KIRREL3: variants seen among roughly 807,000 people sequenced by gnomAD.
KIRREL3 encodes the protein kirre like nephrin family adhesion molecule 3, also known as kin of IRRE-like protein 3.
KIRREL3 carries 36 observed loss-of-function variants against 89.7 expected under a neutral mutation model. That is an observed-to-expected ratio of 0.40 (90% confidence interval 0.31 to 0.53). The LOEUF is 0.53. KIRREL3 is among the 20% of genes least tolerant of loss of function. The pLI, the probability that KIRREL3 is intolerant of heterozygous loss-of-function variation, is 0.49. For synonymous variants in KIRREL3, 445 were observed against 441.4 expected (o/e 1.01, Z -0.10); for missense variants, 864 against 1,056.6 (o/e 0.82, Z 2.53).
At chr11:126,559,118 G>A (rs1939922803) in intron 2 of KIRREL3, among the ~76,000 whole-genome samples, 1 of 152,136 alleles carries the variant, frequency 6.6e-6, no homozygotes, top group East Asian at 1.9e-4. Flanking sequence ...TCCACGACTT[G>A]CCTGGACCCT....
At chr11:126,478,851 G>C (rs1957150999) in intron 4 of KIRREL3, among the ~76,000 whole-genome samples, 1 of 152,126 alleles carries the variant, frequency 6.6e-6, no homozygotes, top group Admixed American at 6.5e-5. Flanking sequence ...TGGGAGGGAG[G>C]AGGGCAAAGC....
chr11:126,487,640 G>T (rs1004000268), intron 4 of KIRREL3, among the ~76,000 whole-genome samples: 4 of 152,132 alleles, frequency 2.6e-5, no homozygotes, highest in African/African-American at 4.8e-5. Context: ...TTTGAAAAAG[G>T]GCAATATTTT....
rs750790603 is a variant in KIRREL3 at position 126,449,123 on chromosome 11, A to C, written c.883T>G (p.Ser295Ala). The C allele has an allele frequency of 2.5e-6, 4 of 1,613,852 alleles. No individual in the cohort carries two copies. The Admixed American group carries it at 6.7e-5, about 27-fold the overall frequency. The change falls in exon 8 of 17, where the codon TCT becomes GCT. Residue 295 changes from serine to alanine, a missense_variant. Ser to Ala is a moderately conservative substitution (Grantham distance 99). Coordinates refer to ENST00000525144, the MANE Select transcript of KIRREL3 (RefSeq NM_032531.4). ...ACTGTGGTCCTGTACACCTCTCCAGATGCCTCCTTGATGATCTGGCCCCGC... is the reference window on the plus strand; with the variant it reads ...ACTGTGGTCCTGTACACCTCTCCAGCTGCCTCCTTGATGATCTGGCCCCGC... Reference protein sequence around the residue: ...AKRGQIIKEASGEVYRTTVDY... With the variant: ...AKRGQIIKEAAGEVYRTTVDY...
At chr11:126,470,427 A>G (rs1412033710) in intron 5 of KIRREL3, among the ~76,000 whole-genome samples, 2 of 152,102 alleles carry the variant, frequency 1.3e-5, no homozygotes, top group East Asian at 1.9e-4. Flanking sequence ...CTTGTGTCTG[A>G]GGGAAGGAGT....
chr11:126,846,342 C>T lies in KIRREL3; in HGVS notation c.55+154113G>A, dbSNP rs542208773. Among the ~76,000 whole-genome samples, 6 of 152,168 alleles carry T rather than the reference C, an allele frequency of 3.9e-5. No homozygotes were observed. The South Asian group carries it at 6.2e-4, about 16-fold the overall frequency. The stretch of plus-strand genomic sequence containing the variant: ...CTGGATCTTCTTCCATCTGTCTGTG[C>T]ATTTATATGTTATGTGTGTGATGTT... On this transcript the variant is annotated intron_variant, in intron 1 of 16. Transcript: ENST00000525144.
chr11:126,928,188 G>C (rs1205720493), intron 1 of KIRREL3, among the ~76,000 whole-genome samples: 1 of 152,234 alleles, frequency 6.6e-6, no homozygotes, highest in Non-Finnish European at 1.5e-5. Flanking sequence ...CACTGGCCTT[G>C]AGGATGTGCA....
At chr11:126,833,212 G>GA (rs959901327) in intron 1 of KIRREL3, among the ~76,000 whole-genome samples, 1 of 152,198 alleles carries the variant, frequency 6.6e-6, no homozygotes, top group African/African-American at 2.4e-5. Flanking sequence ...CTCTAATGGG[G>GA]ACCCAGTTTT....
chr11:126,863,447 G>A (rs1243674076), intron 1 of KIRREL3, among the ~76,000 whole-genome samples: 12 of 100,090 alleles, frequency 1.2e-4, no homozygotes, highest in African/African-American at 3.8e-4. Context: ...GTGTGTGAGT[G>A]TGTGTGTTTG....
rs1245853580 is a variant in KIRREL3 at position 126,908,160 on chromosome 11, GT to G, written c.55+92294del. Among the ~76,000 whole-genome samples, 2 of 152,116 alleles carry G rather than the reference GT, an allele frequency of 1.3e-5. No homozygotes were observed. The highest frequency in any genetic ancestry group is 2.9e-5 in the Non-Finnish European group (2 of 68,022). On this transcript the variant is annotated intron_variant, in intron 1 of 16. Transcript: ENST00000525144. This position sits in a 1 kb window ranked among gnomAD's most constrained non-coding sequence, Gnocchi z 4.2. ...GCAAGTCCTATGAAGGCAAATATCT[GT>G]TTTGTTTACTGCCGTATTTTCAGTG...
chr11:126,995,308 T>C lies in KIRREL3; in HGVS notation c.55+5147A>G, dbSNP rs1347274754. The C allele has an allele frequency of 2.2e-6, 1 of 456,160 alleles. No individual in the cohort carries two copies. Among genetic ancestry groups the C allele is most frequent in the Non-Finnish European group, 4.4e-6 (1 of 226,936 alleles). 28.3% of individuals were successfully genotyped at this position (456,160 alleles called of 1,614,324 possible). A position where few individuals can be genotyped will look rare whatever the true frequency, so the allele number is the denominator to read the frequency against. On this transcript the variant is annotated intron_variant, in intron 1 of 16. Coordinates refer to ENST00000525144, the MANE Select transcript of KIRREL3 (RefSeq NM_032531.4). The surrounding 1 kb of genome is among the most constrained non-coding windows in gnomAD (Gnocchi z 6.5). ...ACCATTAAAGTCAAGATCACTGTGG[T>C]GGGGGGAGTTGAAGTGTGCATTCCA... is the stretch of plus-strand genomic sequence containing the variant.
In KIRREL3 at chr11:126,458,666, T is replaced by A. The variant is rs1956451228; in HGVS notation, c.743-2212A>T. 2.0e-5 allele frequency among the ~76,000 whole-genome samples: 3 copies of A among 152,162 alleles called. No homozygotes were observed. In the South Asian group the frequency reaches 6.2e-4, roughly 31 times the overall value. On this transcript the variant is annotated intron_variant, in intron 6 of 16. Coordinates refer to ENST00000525144, the MANE Select transcript of KIRREL3 (RefSeq NM_032531.4). ...TGCTGGGGAGCCTGTTCTCCCACAT[T>A]TTCCCTAGTTCCAGACGGGGGACCA...
Position 126,605,408 on chromosome 11 carries a change from GCT to G in KIRREL3, c.56-42498_56-42497del, listed in dbSNP as rs1942845604. Reference sequence around the variant, plus strand: ...AGGCCACTTGGGTCTGGGATTTGAGGCTCAGGGGGAGGAGTCCTGCGGTGACT... The same window carrying G: ...AGGCCACTTGGGTCTGGGATTTGAGGCAGGGGGAGGAGTCCTGCGGTGACT... On this transcript the variant is annotated intron_variant, in intron 1 of 16. Transcript: ENST00000525144. The surrounding 1 kb of genome is among the most constrained non-coding windows in gnomAD (Gnocchi z 5.7). Among the ~76,000 whole-genome samples, 1 of 152,178 alleles carries G rather than the reference GCT, an allele frequency of 6.6e-6. No individual in the cohort carries two copies. Among genetic ancestry groups the G allele is most frequent in the Non-Finnish European group, 1.5e-5 (1 of 68,038 alleles).
rs58204870 is a variant in KIRREL3 at position 126,605,719 on chromosome 11, G to A, written c.56-42807C>T. Among the ~76,000 whole-genome samples, 2,968 of 152,280 alleles carry A rather than the reference G, an allele frequency of 0.019. 101 individuals are homozygous for A. The highest frequency in any genetic ancestry group is 0.066 in the African/African-American group (2,763 of 41,550). On this transcript the variant is annotated intron_variant, in intron 1 of 16. Coordinates refer to ENST00000525144, the MANE Select transcript of KIRREL3 (RefSeq NM_032531.4). This position sits in a 1 kb window ranked among gnomAD's most constrained non-coding sequence, Gnocchi z 5.7. ...TGCTGGGCCTGGAGCTGTGCGTCCCGCCTGAGTTGAGTAGGGATGCTGGGA... is the reference window on the plus strand; with the variant it reads ...TGCTGGGCCTGGAGCTGTGCGTCCCACCTGAGTTGAGTAGGGATGCTGGGA...
intron 1 of KIRREL3, chr11:126,945,034 C>T (rs1011532963): frequency 2.6e-5 from 4 of 152,206 alleles, no homozygotes; most frequent in African/African-American, 7.2e-5. Context: ...CAATCAAGAA[C>T]GGGGGCCCTC....
At chr11:126,706,598 G>C (rs756501283) in intron 1 of KIRREL3, among the ~76,000 whole-genome samples, 3 of 152,176 alleles carry the variant, frequency 2.0e-5, no homozygotes, top group Non-Finnish European at 4.4e-5. Context: ...CCAGTGGTAT[G>C]AATGTGCCTG....
intron 4 of KIRREL3, among the ~76,000 whole-genome samples, chr11:126,504,358 C>A (rs950130589): frequency 3.9e-5 from 6 of 152,130 alleles, no homozygotes; most frequent in African/African-American, 1.4e-4. Context: ...TCACTCAGAT[C>A]CCATCGATCC....
intron 1 of KIRREL3, among the ~76,000 whole-genome samples, chr11:126,604,934 T>A (rs1942826103): frequency 1.3e-5 from 2 of 152,306 alleles, no homozygotes; most frequent in African/African-American, 4.8e-5. Flanking sequence ...TGATGCTATC[T>A]CCCTCATAGC....
chr11:126,658,155 T>C (rs1945241191), intron 1 of KIRREL3, among the ~76,000 whole-genome samples: 1 of 152,222 alleles, frequency 6.6e-6, no homozygotes, highest in Non-Finnish European at 1.5e-5. Flanking sequence ...GTGGTAATGC[T>C]TGGAATAACA....
Position 126,826,513 on chromosome 11 carries a change from T to C in KIRREL3, c.55+173942A>G, listed in dbSNP as rs561506258. Among the ~76,000 whole-genome samples the C allele has an allele frequency of 5.9e-5, 9 of 152,254 alleles. No individual in the cohort carries two copies. The South Asian group carries it at 1.9e-3, about 32-fold the overall frequency. ...TCTCTCCTGTGAACCTTCTCCAATT[T>C]TTTAAAACATTATTTCTGCTTTCGA... On this transcript the variant is annotated intron_variant, in intron 1 of 16. Transcript: ENST00000525144.
Sources: gnomAD v4.1 joint callset for allele counts (sites outside exome capture counted in the v4.1 genomes callset) on GRCh38, gnomAD v4.1.1 for gene constraint, Gnocchi (gnomAD v3.1) non-coding constraint, MANE v1.5 for transcripts, NCBI Gene and HGNC (gene_info 2026-07-23, HGNC 2026-07-21) for gene names.